The following CCDC191 variants were observed in gnomAD, a reference collection of about 807,000 sequenced individuals.
CCDC191 encodes coiled-coil domain-containing protein 191.
CCDC191 carries 99 observed loss-of-function variants against 114.0 expected under a neutral mutation model. The ratio of observed to expected loss-of-function variants is 0.87; its 90% confidence interval spans 0.74 to 1.03. CCDC191 has a LOEUF of 1.03. CCDC191 is among the 50% of genes least tolerant of loss of function. CCDC191 has a pLI of 0.00. For missense variants in CCDC191, 973 were observed against 1,087.0 expected, an observed-to-expected ratio of 0.90 and a Z score of 1.47; for synonymous variants, 351 against 376.0, an observed-to-expected ratio of 0.93 and a Z score of 0.77.
chr3:114,029,894 A>C (rs1232633570), intron 7 of CCDC191, among the ~76,000 whole-genome samples: 2 of 152,190 alleles, frequency 1.3e-5, no homozygotes, highest in Non-Finnish European at 2.9e-5. Flanking sequence ...AGACTAAAGA[A>C]ATGTCACACA....
intron 4 of CCDC191, among the ~76,000 whole-genome samples, chr3:114,039,836 A>G (rs1415078944): frequency 6.6e-6 from 1 of 152,252 alleles, no homozygotes; most frequent in Non-Finnish European, 1.5e-5. Flanking sequence ...GAAAAAATTC[A>G]AAATTTACAA....
At chr3:114,029,837 C>G (rs149588161) in intron 7 of CCDC191, among the ~76,000 whole-genome samples, 1 of 152,066 alleles carries the variant, frequency 6.6e-6, no homozygotes, top group South Asian at 2.1e-4. Context: ...CTACAAAATA[C>G]CTGACCAGTT....
chr3:114,022,462 G>A (rs1039552089), intron 7 of CCDC191, among the ~76,000 whole-genome samples: 11 of 152,054 alleles, frequency 7.2e-5, no homozygotes, highest in Non-Finnish European at 1.0e-4. Flanking sequence ...AAAATTCTCC[G>A]TCATGGAAAA....
rs2076485155 is a variant in CCDC191, at chr3:114,036,465, ATATTT to A, written c.594+138_594+142del. 27 of 479,340 alleles carry A rather than the reference ATATTT, an allele frequency of 5.6e-5. No individual in the cohort carries two copies. The South Asian group carries it at 1.8e-3, about 33-fold the overall frequency. The allele number at this position is 479,340 out of a possible 1,614,324, so 29.7% of individuals were successfully genotyped here. On this transcript the variant is annotated intron_variant, in intron 5 of 16. Coordinates refer to ENST00000295878, the MANE Select transcript of CCDC191 (RefSeq NM_020817.2). Reference sequence around the variant, plus strand: ...GAATTATTTTTCTTCTGAAGTTCTTATATTTTATTTTTATTCTCCCTAACCAAACC... The same window carrying A: ...GAATTATTTTTCTTCTGAAGTTCTTATATTTTTATTCTCCCTAACCAAACC...
intron 16 of CCDC191, among the ~76,000 whole-genome samples, chr3:113,967,339 C>T (rs1375506051): frequency 6.6e-6 from 1 of 151,532 alleles, no homozygotes; most frequent in Non-Finnish European, 1.5e-5. Flanking sequence ...ATGTTCTCCC[C>T]TTTGGGTGAA....
At chr3:113,987,074 G>T (rs2075386544) in intron 13 of CCDC191, among the ~76,000 whole-genome samples, 1 of 151,156 alleles carries the variant, frequency 6.6e-6, no homozygotes, top group African/African-American at 2.4e-5. Flanking sequence ...TAGATGTCTT[G>T]TGAGAAACCA....
chr3:114,027,265 TA>T (rs1205528021), intron 7 of CCDC191, among the ~76,000 whole-genome samples: 1 of 152,218 alleles, frequency 6.6e-6, no homozygotes, highest in Non-Finnish European at 1.5e-5. Context: ...CTCAGTCTCC[TA>T]TTAAATAATG....
chr3:114,001,880 T>A, intron 12 of CCDC191, 184 bp from the exon 13 acceptor site: 1 of 611,996 alleles, frequency 1.6e-6, no homozygotes, highest in Non-Finnish European at 2.8e-6. Context: ...TAAAAGTTTC[T>A]CCAAAAGAAT....
chr3:114,039,949 C>T (rs1322044086), intron 4 of CCDC191, among the ~76,000 whole-genome samples: 1 of 152,128 alleles, frequency 6.6e-6, no homozygotes, highest in Non-Finnish European at 1.5e-5. Flanking sequence ...TTTAAGTCTA[C>T]AGTAGCGTAT....
At position 114,000,655 on chromosome 3, in the gene CCDC191, C is replaced by G. The variant is rs561145822; in HGVS notation, c.2163+940G>C. Among the ~76,000 whole-genome samples, 3 of 151,590 alleles carry G rather than the reference C, an allele frequency of 2.0e-5. No homozygotes were observed. The South Asian group carries it at 6.3e-4, about 32-fold the overall frequency. On this transcript the variant is annotated intron_variant, in intron 13 of 16. Coordinates refer to ENST00000295878, the MANE Select transcript of CCDC191 (RefSeq NM_020817.2). ...TATGACTTTCTTGATCTCTCTCTCT[C>G]TCTTTTTTTTTCTTAGAGATGGTCT...
chr3:114,028,920 A>G (rs1015155824), intron 7 of CCDC191, among the ~76,000 whole-genome samples: 9 of 151,134 alleles, frequency 6.0e-5, no homozygotes, highest in Non-Finnish European at 8.8e-5. Context: ...ATGTGTGTGT[A>G]TATGTATGTT....
chr3:113,966,923 A>C (rs1940237050), intron 16 of CCDC191, among the ~76,000 whole-genome samples: 1 of 151,824 alleles, frequency 6.6e-6, no homozygotes, highest in African/African-American at 2.4e-5. Flanking sequence ...ACATGGTGAA[A>C]CCCCATCTCT....
intron 11 of CCDC191, chr3:114,002,832 C>A (rs2075879884): frequency 1.0e-6 from 1 of 959,640 alleles, no homozygotes; most frequent in African/African-American, 1.8e-5. Context: ...CTTGATGATA[C>A]TTTTAGTATA....
rs149232365 is a variant in CCDC191 at position 113,997,103 on chromosome 3, G to A, written c.2163+4492C>T. 5.2e-3 allele frequency among the ~76,000 whole-genome samples: 789 copies of A among 152,168 alleles called. 8 individuals are homozygous for A. Among genetic ancestry groups the A allele is most frequent in the African/African-American group, 0.018 (748 of 41,512 alleles). Reference sequence around the variant, plus strand: ...TACTGTATTTGGTAATTTTTTTCTCGTTGGGGTTTGGGTAATCAGTTCTGA... The same window carrying A: ...TACTGTATTTGGTAATTTTTTTCTCATTGGGGTTTGGGTAATCAGTTCTGA... On this transcript the variant is annotated intron_variant, in intron 13 of 16. Transcript: ENST00000295878.
At chr3:114,052,635 C>G (rs1655685406) in intron 2 of CCDC191, among the ~76,000 whole-genome samples, 1 of 152,182 alleles carries the variant, frequency 6.6e-6, no homozygotes, top group African/African-American at 2.4e-5. Context: ...TGTTTATTCT[C>G]CACTGGACTG....
rs149281094 is a variant in CCDC191 at position 114,010,177 on chromosome 3, C to A, written c.1413+595G>T. Among the ~76,000 whole-genome samples the A allele has an allele frequency of 9.2e-4, 139 of 151,878 alleles. 3 individuals are homozygous for A. In the East Asian group the frequency reaches 0.015, roughly 16 times the overall value. ...GAAAAAAAAACATGGCCTTCCTTTTCCTGAATTTTGGCAGACGAGTTCCTC... is the reference window on the plus strand; with the variant it reads ...GAAAAAAAAACATGGCCTTCCTTTTACTGAATTTTGGCAGACGAGTTCCTC... On this transcript the variant is annotated intron_variant, in intron 9 of 16. Coordinates refer to ENST00000295878, the MANE Select transcript of CCDC191 (RefSeq NM_020817.2).
chr3:113,976,009 G>A (rs958894263), intron 16 of CCDC191, among the ~76,000 whole-genome samples: 1 of 152,152 alleles, frequency 6.6e-6, no homozygotes, highest in Non-Finnish European at 1.5e-5. Context: ...TGTAATCCTA[G>A]CACTTTGGGA....
At chr3:114,002,687 T>C in intron 11 of CCDC191, 149 bp from the exon 12 acceptor site, 2 of 1,276,976 alleles carry the variant, frequency 1.6e-6, no homozygotes, top group East Asian at 2.7e-5. Context: ...AGAAAATATA[T>C]AGAGATAAAC....
chr3:114,021,675 C>G (rs977085715), intron 7 of CCDC191, among the ~76,000 whole-genome samples: 1 of 151,914 alleles, frequency 6.6e-6, no homozygotes, highest in African/African-American at 2.4e-5. Flanking sequence ...CTTTCTATTC[C>G]TCCCTCCCCC....
Sources: allele counts gnomAD v4.1 joint callset (sites outside exome capture counted in the v4.1 genomes callset), GRCh38; gene constraint gnomAD v4.1.1; transcripts MANE v1.5; gene names NCBI Gene and HGNC (gene_info 2026-07-23, HGNC 2026-07-21).